The following KRT7 variants were observed in gnomAD, a reference collection of about 807,000 sequenced individuals.
The protein encoded by KRT7 is keratin 7.
In KRT7, 50 loss-of-function variants were observed where a neutral mutation model predicts 42.8. The ratio of observed to expected loss-of-function variants is 1.17; its 90% CI spans 0.93 to 1.48. The LOEUF (loss-of-function observed/expected upper bound fraction) is 1.48, where lower values mean the gene tolerates loss of function less well. KRT7 is among the 40% of genes most tolerant of loss of function. The pLI is 0.00. For missense variants in KRT7, 588 were observed against 637.6 expected (o/e 0.92, Z 0.84); for synonymous variants, 268 against 266.3 (o/e 1.01, Z -0.06).
At chr12:52,237,436 G>A in intron 2 of KRT7, 73 bp from the exon 3 acceptor site, 1 of 1,094,330 alleles carries the variant, frequency 9.1e-7, no homozygotes, top group Non-Finnish European at 1.4e-6. Context: ...AGATTTCACA[G>A]CTGCATATGG....
chr12:52,235,215 C>G lies in KRT7; in HGVS notation c.385C>G (p.Gln129Glu). ...GACCAAGTGGACGCTGCTGCAGGAG[C>G]AGAAGTCGGCCAAGAGCAGCCGCCT... ...LETKWTLLQEQKSAKSSRLPD... is the reference protein window; with the variant it reads ...LETKWTLLQEEKSAKSSRLPD... The change falls in exon 2 of 9, where the codon CAG becomes GAG. Residue 129 changes from glutamine to glutamate, a missense_variant. Transcript: ENST00000331817. 1.9e-6 allele frequency: 3 copies of G among 1,614,166 alleles called. No homozygotes were observed. The highest frequency in any genetic ancestry group is 1.7e-6 in the Non-Finnish European group (2 of 1,180,000).
At chr12:52,248,955 A>G (rs186758909), downstream of KRT7, 252 of 482,524 alleles carry the variant, frequency 5.2e-4, no homozygotes, top group African/African-American at 4.5e-3. Flanking sequence ...GAGGCTGGGC[A>G]GGGGAAAAGA....
At position 52,233,554 on chromosome 12, in the gene KRT7, G is replaced by A; in HGVS notation, c.258G>A (p.Arg86=). ...LRLDADPSLQ[R]VRQEESEQIK... ...TGGACGCCGACCCCTCCCTCCAGCG[G>A]GTGCGCCAGGAGGAGAGCGAGCAGA... Residue 86 remains arginine (R), a synonymous_variant, in exon 1 of 9, where the codon CGG becomes CGA. Coordinates refer to ENST00000331817, the MANE Select transcript of KRT7 (RefSeq NM_005556.4). 6.2e-7 allele frequency: 1 copy of A among 1,613,170 alleles called. No homozygotes were observed. The highest frequency in any genetic ancestry group is 8.5e-7 in the Non-Finnish European group (1 of 1,179,814).
At chr12:52,241,094 C>T (rs943764866) in intron 4 of KRT7, among the ~76,000 whole-genome samples, 6 of 152,092 alleles carry the variant, frequency 3.9e-5, no homozygotes, top group Non-Finnish European at 7.3e-5. Context: ...CATCGGTGTA[C>T]AGACTGCAGA....
downstream of KRT7, chr12:52,250,397 G>A (rs955719280): frequency 1.5e-5 from 6 of 398,804 alleles, no homozygotes; most frequent in African/African-American, 1.3e-4. Flanking sequence ...GGGGACCGTG[G>A]GAGCTCCGGG....
intron 5 of KRT7, 125 bp downstream of exon 5, chr12:52,241,761 A>T: frequency 2.5e-6 from 2 of 794,930 alleles, no homozygotes; most frequent in South Asian, 1.8e-5. Context: ...CCAGTGGTTT[A>T]AGTCTGTGGT....
rs763879194 is a variant in KRT7, at chr12:52,233,468, C to A, written c.172C>A (p.Pro58Thr). 7 of 1,609,322 alleles carry A rather than the reference C, an allele frequency of 4.3e-6. No individual in the cohort carries two copies. The Admixed American group carries it at 1.2e-4, about 27-fold the overall frequency. ...RVAVRSAYGG[P>T]VGAGIREVTI... ...GGCCGTGCGCTCTGCCTATGGGGGC[C>A]CGGTGGGCGCCGGCATCCGCGAGGT... Residue 58 changes from proline to threonine, a missense_variant, in exon 1 of 9, where the codon CCG (proline) becomes ACG (threonine). By Grantham distance (38) the Pro-to-Thr change is conservative. Coordinates refer to ENST00000331817, the MANE Select transcript of KRT7 (RefSeq NM_005556.4).
intron 6 of KRT7, 92 bp from the exon 7 acceptor site, chr12:52,245,320 C>A (rs1942151877): frequency 5.3e-6 from 7 of 1,332,682 alleles, no homozygotes; most frequent in Non-Finnish European, 5.2e-6. Flanking sequence ...ATGAAGCCAC[C>A]TTAAGCAAGT....
chr12:52,255,807 C>A (rs1942325634), downstream of KRT7, among the ~76,000 whole-genome samples: 1 of 152,098 alleles, frequency 6.6e-6, no homozygotes, highest in Admixed American at 6.5e-5. Flanking sequence ...AGTAGATGCT[C>A]AATAAAATGT....
intron 7 of KRT7, chr12:52,245,919 C>A: frequency 2.3e-6 from 1 of 426,344 alleles, no homozygotes; most frequent in Non-Finnish European, 4.2e-6. Flanking sequence ...AGCACACATT[C>A]AGGTAGTCAG....
chr12:52,234,278 G>T (rs997927356), intron 1 of KRT7, among the ~76,000 whole-genome samples: 4 of 152,156 alleles, frequency 2.6e-5, no homozygotes, highest in Non-Finnish European at 5.9e-5. Context: ...GGTCCATTTT[G>T]GAGATATTTT....
In KRT7 at chr12:52,248,659, G is replaced by A; in HGVS notation, c.1309G>A (p.Gly437Ser). 6.2e-7 allele frequency: 1 copy of A among 1,613,134 alleles called. No homozygotes were observed. Among genetic ancestry groups the A allele is most frequent in the Non-Finnish European group, 8.5e-7 (1 of 1,179,496 alleles). The change falls in exon 9 of 9, where the codon GGC becomes AGC. Residue 437 changes from glycine (G) to serine (S), a missense_variant. Physicochemically the swap from Gly to Ser is moderately conservative, Grantham distance 56. Coordinates refer to ENST00000331817, the MANE Select transcript of KRT7 (RefSeq NM_005556.4). Reference protein sequence around the residue: ...GIGLTLGGTMGSNALSFSSSA... With the variant: ...GIGLTLGGTMSSNALSFSSSA... Reference sequence around the variant, plus strand: ...TGGGCTGACCCTCGGGGGAACCATGGGCAGCAATGCCCTGAGCTTCTCCAG... The same window carrying A: ...TGGGCTGACCCTCGGGGGAACCATGAGCAGCAATGCCCTGAGCTTCTCCAG...
chr12:52,245,861 C>T, intron 7 of KRT7: 1 of 595,492 alleles, frequency 1.7e-6, no homozygotes, highest in Non-Finnish European at 2.9e-6. Context: ...GAAATGATAA[C>T]AGTCCCTTTG....
downstream of KRT7, chr12:52,253,877 C>T: frequency 2.4e-6 from 1 of 424,016 alleles, no homozygotes; most frequent in Non-Finnish European, 4.7e-6. Flanking sequence ...TGTCTGAAGC[C>T]CCACCCTCCC....
At chr12:52,244,511 G>A (rs569898050) in intron 6 of KRT7, 28 of 985,902 alleles carry the variant, frequency 2.8e-5, no homozygotes, top group Admixed American at 1.8e-4. Context: ...AGCTGTGGCC[G>A]AGGGGCAGAG....
At chr12:52,253,123 ACACAC>A, downstream of KRT7, 1 of 1,223,490 alleles carries the variant, frequency 8.2e-7, no homozygotes, top group Non-Finnish European at 1.2e-6. Context: ...CCTTGTCCCC[ACACAC>A]TGGCAAGGGG....
intron 6 of KRT7, chr12:52,244,252 C>T (rs548791860): frequency 3.8e-5 from 34 of 900,334 alleles, no homozygotes; most frequent in Middle Eastern, 5.7e-4. Context: ...GAGGCAGGGC[C>T]GTGAGTCACC....
At position 52,245,203 on chromosome 12, in the gene KRT7, A is replaced by T. The variant is rs564537037; in HGVS notation, c.985-209A>T. The T allele has an allele frequency of 3.0e-4, 177 of 595,318 alleles. No homozygotes were observed. The African/African-American group carries it at 3.0e-3, about 10-fold the overall frequency. The allele number at this position is 595,318 out of a possible 1,614,324, so 36.9% of individuals were successfully genotyped here. Reference sequence around the variant, plus strand: ...GCAGGGTTGATTCATCCATGGTCACACAGCTAGTAAGTGGCAGAGCCAGAA... The same window carrying T: ...GCAGGGTTGATTCATCCATGGTCACTCAGCTAGTAAGTGGCAGAGCCAGAA... On this transcript the variant is annotated intron_variant, in intron 6 of 8. Transcript: ENST00000331817.
chr12:52,245,318 A>C, intron 6 of KRT7, 94 bp from the exon 7 acceptor site: 1 of 1,282,582 alleles, frequency 7.8e-7, no homozygotes, highest in Non-Finnish European at 1.1e-6. Context: ...CAATGAAGCC[A>C]CCTTAAGCAA....
Sources: gnomAD v4.1 joint callset for allele counts (sites outside exome capture counted in the v4.1 genomes callset) on GRCh38, gnomAD v4.1.1 for gene constraint, MANE v1.5 for transcripts, NCBI Gene and HGNC (gene_info 2026-07-23, HGNC 2026-07-21) for gene names.